The following TMLHE variants were observed in gnomAD, a reference collection of about 807,000 sequenced individuals.
The protein encoded by TMLHE is trimethyllysine dioxygenase, mitochondrial.
TMLHE carries 18 observed loss-of-function variants against 25.7 expected under a neutral mutation model. That is an observed-to-expected ratio of 0.70 (90% CI 0.48 to 1.04). The LOEUF is 1.04. Among genes scored for constraint, TMLHE ranks in the 50% least tolerant of loss-of-function variants. The probability of loss-of-function intolerance (pLI) is 0.00; values close to 1 mark genes in which losing one functional copy is unlikely to be tolerated. For synonymous variants in TMLHE, 105 were observed against 97.0 expected (o/e 1.08, Z -0.49); for missense variants, 236 against 259.0 (o/e 0.91, Z 0.61).
intron 2 of TMLHE, among the ~76,000 whole-genome samples, chrX:155,532,244 A>G (rs1410446880): frequency 6.2e-5 from 7 of 112,178 alleles, no homozygotes; most frequent in African/African-American, 2.3e-4. Context: ...CTACACACAG[A>G]AAAAAAGCAG....
intron 1 of TMLHE, among the ~76,000 whole-genome samples, chrX:155,554,745 T>C (rs1299062897): frequency 9.1e-6 from 1 of 110,151 alleles, no homozygotes; most frequent in Non-Finnish European, 1.9e-5. Flanking sequence ...GTGAGAGGGA[T>C]TATGAATATG....
At chrX:155,558,437 C>G (rs2067473118) in intron 1 of TMLHE, among the ~76,000 whole-genome samples, 1 of 111,769 alleles carries the variant, frequency 8.9e-6, no homozygotes, top group Non-Finnish European at 1.9e-5. Flanking sequence ...GTCTTTCCCC[C>G]TAATAATGCT....
At chrX:155,595,375 C>A (rs1297052278) in intron 1 of TMLHE, among the ~76,000 whole-genome samples, 1 of 112,073 alleles carries the variant, frequency 8.9e-6, no homozygotes, top group Non-Finnish European at 1.9e-5. Context: ...AGTGATCTCT[C>A]ATGATTCTCA....
At chrX:155,528,853 C>T (rs2067234237) in intron 2 of TMLHE, among the ~76,000 whole-genome samples, 1 of 111,200 alleles carries the variant, frequency 9.0e-6, no homozygotes. Flanking sequence ...AGTAGTGCAC[C>T]TCTCAGTATT....
At chrX:155,598,288 A>C (rs192805648) in intron 1 of TMLHE, among the ~76,000 whole-genome samples, 42 of 110,916 alleles carry the variant, frequency 3.8e-4, no homozygotes, top group African/African-American at 1.3e-3. Flanking sequence ...AATAGCAAAG[A>C]GTTGGAACCA....
intron 1 of TMLHE, among the ~76,000 whole-genome samples, chrX:155,568,018 CGAAGCAGGGCGAGGCATTGCCTCACTCAG>C (rs782596948): frequency 0.013 from 790 of 61,447 alleles, 92 homozygotes; most frequent in African/African-American, 0.027. Context: ...GTGCACAAGC[CGAAGCAGGGCGAGGCATTGCCTCACTCAG>C]GAAGCGCAAG....
chrX:155,604,147 C>G (rs1374433361), intron 1 of TMLHE, among the ~76,000 whole-genome samples: 1 of 109,211 alleles, frequency 9.2e-6, no homozygotes, highest in African/African-American at 3.3e-5. Context: ...GAACAGCTGC[C>G]CTACCTCGTG....
At chrX:155,518,826 C>T (rs1480485388) in intron 3 of TMLHE, among the ~76,000 whole-genome samples, 2 of 57,253 alleles carry the variant, frequency 3.5e-5, no homozygotes, top group African/African-American at 9.5e-5. Context: ...TTGTAGTATT[C>T]TCTGATGGTA....
At chrX:155,555,764 A>C (rs1400550098) in intron 1 of TMLHE, among the ~76,000 whole-genome samples, 2 of 110,162 alleles carry the variant, frequency 1.8e-5, no homozygotes, top group African/African-American at 6.7e-5. Flanking sequence ...TAGATTCTGG[A>C]TATTAGCCCT....
At chrX:155,573,978 TATA>T (rs782497631) in intron 1 of TMLHE, among the ~76,000 whole-genome samples, 5 of 103,891 alleles carry the variant, frequency 4.8e-5, no homozygotes, top group Non-Finnish European at 9.7e-5. Context: ...AAACTTAAAG[TATA>T]ATAATAATAA....
In TMLHE at chrX:155,507,099, G is replaced by C; in HGVS notation, c.794C>G (p.Thr265Ser). ...ATCTACTAGCAGTGTCCTGCCACCA[G>C]TTCCTTCATGTTTAAGACAATGAAA... ...QVFHCLKHEG[T>S]GGRTLLVDGF... is the part of the protein sequence containing the mutation. Residue 265 changes from threonine (T) to serine (S), a missense_variant, in exon 6 of 8, where the codon ACT becomes AGT. This residue lies in a region of TMLHE where 217 missense variants were observed against 214.6 expected (regional missense o/e 1.01). Coordinates refer to ENST00000334398, the MANE Select transcript of TMLHE (RefSeq NM_018196.4). 8.3e-7 allele frequency: 1 copy of C among 1,208,645 alleles called. No individual in the cohort carries two copies. The highest frequency in any genetic ancestry group is 1.1e-6 in the Non-Finnish European group (1 of 893,352).
At position 155,507,065 on chromosome X, in the gene TMLHE, A is replaced by G. The variant is rs781824393; in HGVS notation, c.828T>C (p.Tyr276=). 2 of 1,210,458 alleles carry G rather than the reference A, an allele frequency of 1.7e-6. No individual in the cohort carries two copies. The highest frequency in any genetic ancestry group is 3.5e-5 in the South Asian group (2 of 56,945). The change falls in exon 6 of 8, where the codon TAT becomes TAC. Residue 276 remains tyrosine (Y), a synonymous_variant. Transcript: ENST00000334398. ...GGRTLLVDGF[Y]AAEQVLQKAP... ...CCTTTTGAAGTACCTGTTCTGCTGC[A>G]TAGAATCCATCTACTAGCAGTGTCC...
Position 155,514,152 on chromosome X carries a change from G to T in TMLHE, c.472C>A (p.Gln158Lys). ...PRILWNAEIY[Q>K]QAQVPSVDCQ... ...TCTACCGATGGAACTTGGGCTTGCTGGTAGATTTCAGCATTCCATAGTATT... is the reference window on the plus strand; with the variant it reads ...TCTACCGATGGAACTTGGGCTTGCTTGTAGATTTCAGCATTCCATAGTATT... Residue 158 changes from glutamine (Q) to lysine (K), a missense_variant, in exon 4 of 8, where the codon CAG (glutamine) becomes AAG (lysine). Coordinates refer to ENST00000334398, the MANE Select transcript of TMLHE (RefSeq NM_018196.4). 1 of 1,211,093 alleles carries T rather than the reference G, an allele frequency of 8.3e-7. No homozygotes were observed. The highest frequency in any genetic ancestry group is 1.1e-6 in the Non-Finnish European group (1 of 895,185).
chrX:155,544,385 T>C (rs1569562026), intron 2 of TMLHE, among the ~76,000 whole-genome samples: 1 of 111,804 alleles, frequency 8.9e-6, no homozygotes, highest in Non-Finnish European at 1.9e-5. Context: ...GATTAGATAT[T>C]GAGAAGAAGG....
At chrX:155,556,845 C>CG (rs1186299117) in intron 1 of TMLHE, among the ~76,000 whole-genome samples, 2 of 110,824 alleles carry the variant, frequency 1.8e-5, no homozygotes, top group Non-Finnish European at 3.8e-5. Flanking sequence ...AGGTACGCCC[C>CG]GGGGGGGCCA....
chrX:155,543,765 C>G (rs2067326672), intron 2 of TMLHE, among the ~76,000 whole-genome samples: 2 of 112,021 alleles, frequency 1.8e-5, no homozygotes, highest in African/African-American at 6.5e-5. Flanking sequence ...TATTTCTTGC[C>G]TTAGCAAGTT....
At chrX:155,505,899 AAGC>A (rs1368868059) in intron 6 of TMLHE, among the ~76,000 whole-genome samples, 1 of 111,324 alleles carries the variant, frequency 9.0e-6, no homozygotes. Context: ...TGCTTGGAAT[AAGC>A]AGAAGCAGGA....
intron 1 of TMLHE, among the ~76,000 whole-genome samples, chrX:155,549,709 G>C (rs2067399784): frequency 9.1e-6 from 1 of 109,675 alleles, no homozygotes; most frequent in Admixed American, 9.7e-5. Flanking sequence ...TCTTTATCAG[G>C]TATTTTATCA....
chrX:155,548,530 A>G (rs782777712), intron 1 of TMLHE, among the ~76,000 whole-genome samples: 3 of 107,998 alleles, frequency 2.8e-5, no homozygotes, highest in Non-Finnish European at 3.8e-5. Flanking sequence ...GGTCAGCAGT[A>G]TGAGGCCAGC....
Sources: gnomAD v4.1 joint callset for allele counts (sites outside exome capture counted in the v4.1 genomes callset) on GRCh38, gnomAD v4.1.1 for gene constraint, gnomAD v4.1.1 regional missense constraint, MANE v1.5 for transcripts, NCBI Gene and HGNC (gene_info 2026-07-23, HGNC 2026-07-21) for gene names.